The following ST3GAL2 variants were observed in gnomAD, a reference collection of about 807,000 sequenced individuals.
The protein encoded by ST3GAL2 is ST3 beta-galactoside alpha-2,3-sialyltransferase 2.
Under a neutral mutation model 37.5 loss-of-function variants are expected in ST3GAL2, and 16 were observed. The ratio of observed to expected loss-of-function variants is 0.43; its 90% CI spans 0.29 to 0.65. The LOEUF (loss-of-function observed/expected upper bound fraction) is 0.65. Among genes scored for constraint, ST3GAL2 ranks in the 30% least tolerant of loss-of-function variants. ST3GAL2 has a pLI of 0.17. For missense variants in ST3GAL2, 383 were observed against 487.8 expected (o/e 0.79, Z 2.02); for synonymous variants, 238 against 202.9 (o/e 1.17, Z -1.47).
In ST3GAL2 at chr16:70,376,598, A is replaced by T. The variant is rs917717496; in HGVS notation, c.*5091T>A. 6.6e-6 allele frequency: 1 copy of T among 152,186 alleles called. No individual in the cohort carries two copies. The highest frequency in any genetic ancestry group is 1.5e-5 in the Non-Finnish European group (1 of 68,032). The allele number at this position is 152,186 out of a possible 1,614,324, so 9.4% of individuals were successfully genotyped here. On this transcript the variant is annotated 3_prime_UTR_variant, in exon 7 of 7. Coordinates refer to ENST00000342907, the MANE Select transcript of ST3GAL2 (RefSeq NM_006927.4). The stretch of plus-strand genomic sequence containing the variant: ...GATTTTTTTCACAAAAGTAGTGAGA[A>T]GGGGCATTGATTCCTAATTCACACT...
rs2047405377 is a variant in ST3GAL2, at chr16:70,381,598, G to A, written c.*91C>T. On this transcript the variant is annotated 3_prime_UTR_variant, in exon 7 of 7. Transcript: ENST00000342907. ...GCACAGCAGACGCCCCTGGGCTGCA[G>A]CATGATTGGTCGCGGGTTGCTGGTC... is the stretch of plus-strand genomic sequence containing the variant. The A allele has an allele frequency of 6.7e-7, 1 of 1,486,988 alleles. No individual in the cohort carries two copies. Among genetic ancestry groups the A allele is most frequent in the East Asian group, 2.4e-5 (1 of 42,194 alleles). 92.1% of individuals were successfully genotyped at this position (1,486,988 alleles called of 1,614,324 possible).
At chr16:70,407,918 G>T (rs1039208524) in intron 1 of ST3GAL2, among the ~76,000 whole-genome samples, 1 of 152,138 alleles carries the variant, frequency 6.6e-6, no homozygotes, top group African/African-American at 2.4e-5. Context: ...GCAGAGAAAA[G>T]AAACGTCAAA....
At chr16:70,390,276 T>C (rs769315983) in intron 3 of ST3GAL2, among the ~76,000 whole-genome samples, 1 of 152,112 alleles carries the variant, frequency 6.6e-6, no homozygotes, top group Non-Finnish European at 1.5e-5. Context: ...TCTCACTGCG[T>C]TGTCCAGGCT....
In ST3GAL2 at chr16:70,395,012, T is replaced by C. The variant is rs960731314; in HGVS notation, c.503A>G (p.Gln168Arg). 2 of 1,613,856 alleles carry C rather than the reference T, an allele frequency of 1.2e-6. No homozygotes were observed. The highest frequency in any genetic ancestry group is 1.7e-6 in the Non-Finnish European group (2 of 1,179,950). Residue 168 changes from glutamine (Q) to arginine (R), a missense_variant, in exon 3 of 7, where the codon CAG (glutamine) becomes CGG (arginine). This residue lies in a region of ST3GAL2 where 223 missense variants were observed against 239.1 expected (regional missense o/e 0.93). Coordinates refer to ENST00000342907, the MANE Select transcript of ST3GAL2 (RefSeq NM_006927.4). Reference sequence around the variant, plus strand: ...GATGAAGTTGTGCCCGTCCACGTCCTGCCCATAGCCAGAGCCCCGCAGGTT... The same window carrying C: ...GATGAAGTTGTGCCCGTCCACGTCCCGCCCATAGCCAGAGCCCCGCAGGTT... The part of the protein sequence containing the change: ...SGNLRGSGYG[Q>R]DVDGHNFIMR...
At chr16:70,414,629 T>C (rs2047662372) in intron 1 of ST3GAL2, among the ~76,000 whole-genome samples, 1 of 152,156 alleles carries the variant, frequency 6.6e-6, no homozygotes, top group South Asian at 2.1e-4. Flanking sequence ...GTCTAGACTG[T>C]TACCAAGCAG....
chr16:70,392,722 T>C (rs1057407843), intron 3 of ST3GAL2, among the ~76,000 whole-genome samples: 8 of 152,194 alleles, frequency 5.3e-5, no homozygotes, highest in African/African-American at 1.9e-4. Context: ...CAGTGGGTCT[T>C]GCTTCCAGGG....
chr16:70,401,908 C>A (rs998520259), intron 1 of ST3GAL2, among the ~76,000 whole-genome samples: 3 of 148,896 alleles, frequency 2.0e-5, no homozygotes, highest in Non-Finnish European at 4.4e-5. Context: ...GCAGGAGAAT[C>A]ACTTGAACCC....
chr16:70,416,683 C>T (rs1295768747), intron 1 of ST3GAL2, among the ~76,000 whole-genome samples: 1 of 151,962 alleles, frequency 6.6e-6, no homozygotes, highest in East Asian at 1.9e-4. Context: ...TCTGCCCCCA[C>T]TTTTCCATCT....
chr16:70,426,971 C>T (rs1475050539), intron 1 of ST3GAL2, among the ~76,000 whole-genome samples: 1 of 152,126 alleles, frequency 6.6e-6, no homozygotes, highest in African/African-American at 2.4e-5. Flanking sequence ...CCTCAGCCTC[C>T]CGAGTAGCCG....
intron 1 of ST3GAL2, among the ~76,000 whole-genome samples, chr16:70,410,544 C>T (rs1275722832): frequency 1.3e-5 from 2 of 151,844 alleles, no homozygotes; most frequent in African/African-American, 2.4e-5. Context: ...AGAGCCAACA[C>T]GCCCGGCCAA....
At chr16:70,417,491 C>A (rs932039107) in intron 1 of ST3GAL2, among the ~76,000 whole-genome samples, 7 of 152,274 alleles carry the variant, frequency 4.6e-5, no homozygotes, top group Admixed American at 1.3e-4. Flanking sequence ...CCCCAGCCCC[C>A]ACTTTAGCAC....
intron 1 of ST3GAL2, 28 bp downstream of exon 1, chr16:70,438,921 C>T (rs2047847466): frequency 6.6e-6 from 1 of 150,570 alleles, no homozygotes; most frequent in Admixed American, 6.6e-5. Context: ...CGCTCTGCAT[C>T]CCGCCCGCCC....
intron 1 of ST3GAL2, among the ~76,000 whole-genome samples, chr16:70,436,011 A>G (rs2047822802): frequency 6.6e-6 from 1 of 151,152 alleles, no homozygotes; most frequent in Non-Finnish European, 1.5e-5. Context: ...CTATAATCCC[A>G]GCTACTTGGG....
intron 1 of ST3GAL2, among the ~76,000 whole-genome samples, chr16:70,403,978 G>C (rs1313945169): frequency 4.0e-5 from 6 of 151,872 alleles, no homozygotes; most frequent in Non-Finnish European, 7.4e-5. Context: ...ATGGGTGACA[G>C]AGTGATACCA....
At chr16:70,404,218 G>A (rs552927927) in intron 1 of ST3GAL2, among the ~76,000 whole-genome samples, 101 of 152,248 alleles carry the variant, frequency 6.6e-4, no homozygotes, top group African/African-American at 2.4e-3. Context: ...GTACTCTGCT[G>A]TCTGAAAGAG....
chr16:70,382,603 G>C (rs2047413821), intron 6 of ST3GAL2, among the ~76,000 whole-genome samples: 1 of 152,158 alleles, frequency 6.6e-6, no homozygotes, highest in Non-Finnish European at 1.5e-5. Flanking sequence ...TTAATGAAGA[G>C]ATTTTGGATT....
intron 1 of ST3GAL2, among the ~76,000 whole-genome samples, chr16:70,425,321 G>A (rs1229905599): frequency 6.6e-6 from 1 of 152,146 alleles, no homozygotes; most frequent in Non-Finnish European, 1.5e-5. Flanking sequence ...AATTAGCTGG[G>A]CGTGGTGATG....
intron 1 of ST3GAL2, among the ~76,000 whole-genome samples, chr16:70,407,806 C>A (rs1245818768): frequency 6.6e-6 from 1 of 152,212 alleles, no homozygotes; most frequent in Non-Finnish European, 1.5e-5. Context: ...AGAGCCAATT[C>A]TCGGTCAGAT....
rs955024610 is a variant in ST3GAL2, at chr16:70,388,672, T to C, written c.534-126A>G. 39 of 1,039,426 alleles carry C rather than the reference T, an allele frequency of 3.8e-5. No homozygotes were observed. In the East Asian group the frequency reaches 9.4e-4, roughly 25 times the overall value. 64.4% of individuals were successfully genotyped at this position (1,039,426 alleles called of 1,614,324 possible). ...TGTATACTCCAACCTAGCAATTCCA[T>C]TGCTAGAAATCTGCCCTATAAAAAT... On this transcript the variant is annotated intron_variant, in intron 3 of 6. Coordinates refer to ENST00000342907, the MANE Select transcript of ST3GAL2 (RefSeq NM_006927.4).
Sources: gnomAD v4.1 joint callset for allele counts (sites outside exome capture counted in the v4.1 genomes callset) on GRCh38, gnomAD v4.1.1 for gene constraint, gnomAD v4.1.1 regional missense constraint, MANE v1.5 for transcripts, NCBI Gene and HGNC (gene_info 2026-07-23, HGNC 2026-07-21) for gene names.